Variants in RUNX1T1 observed in about 807,000 individuals in gnomAD.
RUNX1T1 encodes the protein protein CBFA2T1.
In RUNX1T1, 4 loss-of-function variants were observed where a neutral mutation model predicts 62.8. The ratio of observed to expected loss-of-function variants is 0.06; its 90% CI spans 0.03 to 0.15. The LOEUF (loss-of-function observed/expected upper bound fraction) is 0.15, where lower values mean the gene tolerates loss of function less well. RUNX1T1 is among the 10% of genes least tolerant of loss of function. RUNX1T1 has a pLI of 1.00. For missense variants in RUNX1T1, 508 were observed against 754.3 expected (o/e 0.67, Z 3.82); for synonymous variants, 291 against 286.0 (o/e 1.02, Z -0.18).
In RUNX1T1 at chr8:91,959,480, GTGTGTGTGTATA is replaced by G. The variant is rs1563591736; in HGVS notation, c.*750_*761del. The stretch of plus-strand genomic sequence containing the variant: ...TGTGTGTGTGTGTATATGTGCGTGT[GTGTGTGTGTATA>G]TATATATATATATATATATATATGG... On this transcript the variant is annotated 3_prime_UTR_variant, in exon 11 of 11. Coordinates refer to ENST00000396218, the Ensembl canonical transcript of RUNX1T1. 1,135 of 174,616 alleles carry G rather than the reference GTGTGTGTGTATA, an allele frequency of 6.5e-3. 37 individuals are homozygous for G. Among genetic ancestry groups the G allele is most frequent in the African/African-American group, 0.02 (771 of 38,910 alleles). 10.8% of individuals were successfully genotyped at this position (174,616 alleles called of 1,614,324 possible). A position where few individuals can be genotyped will look rare whatever the true frequency, so the allele number is the denominator to read the frequency against.
upstream of RUNX1T1, among the ~76,000 whole-genome samples, chr8:92,065,265 G>C (rs1832707663): frequency 6.6e-6 from 1 of 152,154 alleles, no homozygotes; most frequent in African/African-American, 2.4e-5. Context: ...TCAATAACAT[G>C]ATGAATGCAT....
At chr8:91,962,581 C>A (rs1042535390) in intron 10 of RUNX1T1, among the ~76,000 whole-genome samples, 2 of 152,204 alleles carry the variant, frequency 1.3e-5, no homozygotes, top group African/African-American at 4.8e-5. Context: ...ATTGCATGTA[C>A]AATGGTTCCA....
At chr8:92,052,708 A>G (rs1417770473) in intron 1 of RUNX1T1, among the ~76,000 whole-genome samples, 1 of 152,174 alleles carries the variant, frequency 6.6e-6, no homozygotes, top group Non-Finnish European at 1.5e-5. Flanking sequence ...GGGTCTACCC[A>G]CAGAGTTTCT....
At chr8:92,095,224 G>T in intron 1 of RUNX1T1, 2 of 1,533,006 alleles carry the variant, frequency 1.3e-6, no homozygotes, top group Admixed American at 3.9e-5. Flanking sequence ...TGGTCTTATC[G>T]ACTTCTGAAT....
chr8:92,036,000 A>G (rs1395546975), intron 1 of RUNX1T1, among the ~76,000 whole-genome samples: 2 of 152,190 alleles, frequency 1.3e-5, no homozygotes, highest in Non-Finnish European at 2.9e-5. Context: ...ATTTAATGTT[A>G]GTAAGTTCTT....
intron 1 of RUNX1T1, among the ~76,000 whole-genome samples, chr8:92,086,610 G>A (rs984048669): frequency 6.6e-6 from 1 of 152,164 alleles, no homozygotes; most frequent in Non-Finnish European, 1.5e-5. Context: ...TCTGCAAATG[G>A]ATTCTGAAGC....
At chr8:92,020,384 A>G (rs1823846469) in intron 1 of RUNX1T1, among the ~76,000 whole-genome samples, 1 of 152,216 alleles carries the variant, frequency 6.6e-6, no homozygotes, top group South Asian at 2.1e-4. Flanking sequence ...TTCAAATTAG[A>G]GGACATGGTA....
intron 1 of RUNX1T1, among the ~76,000 whole-genome samples, chr8:92,091,883 A>G (rs1226716358): frequency 1.3e-5 from 2 of 152,248 alleles, no homozygotes; most frequent in African/African-American, 2.4e-5. Context: ...GTGTTTTAGA[A>G]GAAACACTGC....
chr8:92,044,731 C>A (rs1829079529), intron 1 of RUNX1T1, among the ~76,000 whole-genome samples: 1 of 152,078 alleles, frequency 6.6e-6, no homozygotes, highest in Non-Finnish European at 1.5e-5. Flanking sequence ...TCATTTAATC[C>A]TCAAGAGAAT....
chr8:92,070,504 G>A (rs934007206), intron 2 of RUNX1T1, among the ~76,000 whole-genome samples: 9 of 152,146 alleles, frequency 5.9e-5, no homozygotes, highest in African/African-American at 9.7e-5. Flanking sequence ...AATAGATCAC[G>A]ATGATGCCAG....
At chr8:92,087,038 T>A (rs553925548) in intron 1 of RUNX1T1, among the ~76,000 whole-genome samples, 20 of 152,318 alleles carry the variant, frequency 1.3e-4, no homozygotes, top group African/African-American at 4.6e-4. Flanking sequence ...TTTATAAAGA[T>A]CTATTTTATC....
downstream of RUNX1T1, chr8:91,956,195 A>C: frequency 4.3e-6 from 1 of 230,886 alleles, no homozygotes; most frequent in Non-Finnish European, 8.6e-6. Context: ...TCTGCTATCT[A>C]TGCAGCAGCT....
intron 1 of RUNX1T1, among the ~76,000 whole-genome samples, chr8:92,039,079 A>G (rs192070147): frequency 3.3e-5 from 5 of 152,206 alleles, no homozygotes; most frequent in Non-Finnish European, 5.9e-5. Flanking sequence ...AGTTCCAACA[A>G]AAGGACAAAG....
At chr8:92,082,391 A>G (rs143875866) in intron 1 of RUNX1T1, among the ~76,000 whole-genome samples, 1 of 152,306 alleles carries the variant, frequency 6.6e-6, no homozygotes, top group Non-Finnish European at 1.5e-5. Context: ...AAGAAAATCT[A>G]GGTTCAGACC....
exon 3 of RUNX1T1, chr8:92,014,799 G>A: frequency 6.2e-7 from 1 of 1,612,006 alleles, no homozygotes; most frequent in Non-Finnish European, 8.5e-7. Flanking sequence ...GGCTGTAGGA[G>A]AATGGCTCGT....
intron 1 of RUNX1T1, among the ~76,000 whole-genome samples, chr8:92,084,638 GCA>G (rs1835812471): frequency 6.6e-6 from 1 of 152,196 alleles, no homozygotes; most frequent in Non-Finnish European, 1.5e-5. Context: ...AGTCTGAATT[GCA>G]CGGATGATAG....
chr8:92,007,659 T>C (rs1347765239), intron 4 of RUNX1T1, among the ~76,000 whole-genome samples: 1 of 152,128 alleles, frequency 6.6e-6, no homozygotes, highest in Non-Finnish European at 1.5e-5. Flanking sequence ...GCATGTACTG[T>C]ACTGAATACT....
intron 1 of RUNX1T1, among the ~76,000 whole-genome samples, chr8:92,086,653 G>A (rs1185971375): frequency 6.6e-6 from 1 of 152,134 alleles, no homozygotes; most frequent in Non-Finnish European, 1.5e-5. Context: ...TATGAGTCTG[G>A]GGTAGGGTAA....
intron 6 of RUNX1T1, among the ~76,000 whole-genome samples, chr8:91,989,885 G>A (rs78864229): frequency 0.023 from 3,531 of 152,286 alleles, 131 homozygotes; most frequent in African/African-American, 0.08. Context: ...ACATTAGACA[G>A]ACTGGCTATT....
Sources: allele counts gnomAD v4.1 joint callset (sites outside exome capture counted in the v4.1 genomes callset), GRCh38; gene constraint gnomAD v4.1.1; transcripts MANE v1.5; gene names NCBI Gene and HGNC (gene_info 2026-07-23, HGNC 2026-07-21).